Variants in MYO1H observed in about 807,000 individuals in gnomAD.
MYO1H encodes myosin IH.
A neutral mutation model predicts 149.3 loss-of-function variants in MYO1H; 118 were observed. That is an observed-to-expected ratio of 0.79 (90% confidence interval 0.68 to 0.92). The LOEUF is 0.92. Among genes scored for constraint, MYO1H ranks in the 40% least tolerant of loss-of-function variants. MYO1H has a pLI of 0.00. For synonymous variants in MYO1H, 447 were observed against 465.2 expected (o/e 0.96, Z 0.50); for missense variants, 1,212 against 1,280.7 (o/e 0.95, Z 0.82).
At chr12:109,362,779 T>C (rs1868782251) in intron 1 of MYO1H, among the ~76,000 whole-genome samples, 1 of 152,226 alleles carries the variant, frequency 6.6e-6, no homozygotes, top group Non-Finnish European at 1.5e-5. Flanking sequence ...CTTAATCACC[T>C]ACTTTTTAAG....
chr12:109,358,880 A>G (rs1043593181), intron 1 of MYO1H, among the ~76,000 whole-genome samples: 2 of 148,318 alleles, frequency 1.3e-5, no homozygotes, highest in Non-Finnish European at 3.0e-5. Flanking sequence ...AGGCTCTAAG[A>G]TAAATATTTC....
chr12:109,324,226 G>A, the MYO1H span, among the ~76,000 whole-genome samples: 3 of 152,156 alleles, frequency 2.0e-5, no homozygotes, highest in African/African-American at 4.8e-5. Context: ...CTTTCCATGC[G>A]CTGGGCTTTC....
At chr12:109,414,165 T>A (rs1870796994) in intron 14 of MYO1H, among the ~76,000 whole-genome samples, 1 of 152,072 alleles carries the variant, frequency 6.6e-6, no homozygotes, top group Non-Finnish European at 1.5e-5. Context: ...CAGATTTAAG[T>A]AAAAGTCATT....
chr12:109,393,399 G>T, exon 3 of MYO1H: 1 of 1,589,450 alleles, frequency 6.3e-7, no homozygotes, highest in South Asian at 1.1e-5. Context: ...CTGTGAGCCA[G>T]ATGGAACTTT....
At chr12:109,401,263 C>T (rs1216173116) in exon 6 of MYO1H, 12 of 1,610,872 alleles carry the variant, frequency 7.4e-6, no homozygotes, top group Non-Finnish European at 1.0e-5. Flanking sequence ...TGTATAAATA[C>T]CTCTCACAGG....
At chr12:109,406,631 C>G (rs1000308069) in intron 8 of MYO1H, among the ~76,000 whole-genome samples, 158 bp from the exon 9 acceptor site, 3 of 152,040 alleles carry the variant, frequency 2.0e-5, no homozygotes, top group Non-Finnish European at 4.4e-5. Context: ...GCCTGGATGA[C>G]AGAGTGAGAC....
intron 16 of MYO1H, among the ~76,000 whole-genome samples, chr12:109,424,492 C>G (rs1871285671): frequency 6.6e-6 from 1 of 152,202 alleles, no homozygotes; most frequent in African/African-American, 2.4e-5. Context: ...TATTCTGAAG[C>G]AGCTGCACTG....
Position 109,445,435 on chromosome 12 carries a change from G to A in MYO1H, c.2994-78G>A, listed in dbSNP as rs934876684. ...TCTTGAAACTAGTAGAATTTAATAA[G>A]TGAATTTCTTCTGTAGACCAAAGGT... On this transcript the variant is annotated intron_variant, in intron 30 of 31. Coordinates refer to ENST00000310903, the Ensembl canonical transcript of MYO1H. 4 of 1,043,814 alleles carry A rather than the reference G, an allele frequency of 3.8e-6. No individual in the cohort carries two copies. In the African/African-American group the frequency reaches 4.9e-5, roughly 13 times the overall value. The allele number at this position is 1,043,814 out of a possible 1,614,324, so 64.7% of individuals were successfully genotyped here. A position where few individuals can be genotyped will look rare whatever the true frequency, so the allele number is the denominator to read the frequency against.
intron 4 of MYO1H, 103 bp from the exon 5 acceptor site, chr12:109,397,629 C>T (rs932208915): frequency 2.8e-5 from 23 of 827,784 alleles, no homozygotes; most frequent in South Asian, 4.9e-5. Context: ...TGGCTCCTTC[C>T]GCTCTCTCTC....
chr12:109,378,274 T>G (rs1869126721), intron 1 of MYO1H, among the ~76,000 whole-genome samples: 1 of 152,184 alleles, frequency 6.6e-6, no homozygotes, highest in East Asian at 1.9e-4. Flanking sequence ...CAGAATGTTT[T>G]CCAAAGTGGC....
chr12:109,356,963 A>G (rs1249395605), intron 1 of MYO1H, among the ~76,000 whole-genome samples: 1 of 152,228 alleles, frequency 6.6e-6, no homozygotes, highest in Non-Finnish European at 1.5e-5. Context: ...CCTTGAATCA[A>G]AGCATCAGAC....
At chr12:109,365,035 C>A (rs1391991864) in intron 1 of MYO1H, among the ~76,000 whole-genome samples, 3 of 152,178 alleles carry the variant, frequency 2.0e-5, no homozygotes, top group Non-Finnish European at 4.4e-5. Context: ...ATTTGGAAGG[C>A]CGAGGCGGGA....
intron 15 of MYO1H, among the ~76,000 whole-genome samples, chr12:109,420,160 T>A (rs1044174772): frequency 7.2e-5 from 11 of 152,164 alleles, no homozygotes; most frequent in African/African-American, 2.7e-4. Flanking sequence ...GTTTCTTTGC[T>A]ATTGGACTAG....
chr12:109,387,488 C>A (rs1022297359), intron 1 of MYO1H, among the ~76,000 whole-genome samples: 1 of 152,206 alleles, frequency 6.6e-6, no homozygotes, highest in Non-Finnish European at 1.5e-5. Context: ...ACCTGCTGAG[C>A]AATAACCAAC....
chr12:109,368,540 C>T (rs1027453300), intron 1 of MYO1H, among the ~76,000 whole-genome samples: 1 of 150,654 alleles, frequency 6.6e-6, no homozygotes, highest in Non-Finnish European at 1.5e-5. Context: ...CCTTTAATCC[C>T]AGCTACTCGG....
rs370673946 is a variant in MYO1H, at chr12:109,395,170, C to T, written c.291-1214C>T. Among the ~76,000 whole-genome samples the T allele has an allele frequency of 3.9e-5, 6 of 152,306 alleles. No homozygotes were observed. The East Asian group carries it at 1.2e-3, about 29-fold the overall frequency. On this transcript the variant is annotated intron_variant, in intron 3 of 31. Coordinates refer to ENST00000310903, the Ensembl canonical transcript of MYO1H. ...GGTGTCTGATCTTGAAGATAAAGCACTTCTCATAGTTTTACCTCTTGTCCT... is the reference window on the plus strand; with the variant it reads ...GGTGTCTGATCTTGAAGATAAAGCATTTCTCATAGTTTTACCTCTTGTCCT...
chr12:109,415,016 G>A (rs949248183), intron 14 of MYO1H, among the ~76,000 whole-genome samples: 11 of 152,072 alleles, frequency 7.2e-5, no homozygotes, highest in Admixed American at 3.9e-4. Flanking sequence ...CCGGCCAAAG[G>A]ATCTAATTTT....
chr12:109,420,352 C>T (rs1871122355), intron 15 of MYO1H, among the ~76,000 whole-genome samples: 1 of 152,090 alleles, frequency 6.6e-6, no homozygotes, highest in African/African-American at 2.4e-5. Context: ...TCTCACATTG[C>T]TATAAAGAAC....
At chr12:109,318,978 T>TTTGTTG in the MYO1H span, among the ~76,000 whole-genome samples, 1 of 111,674 alleles carries the variant, frequency 9.0e-6, no homozygotes, top group South Asian at 3.1e-4. Context: ...TTTTGTTTTT[T>TTTGTTG]TTTTTTTTTT....
Sources: gnomAD v4.1 joint callset for allele counts (sites outside exome capture counted in the v4.1 genomes callset) on GRCh38, gnomAD v4.1.1 for gene constraint, MANE v1.5 for transcripts, NCBI Gene and HGNC (gene_info 2026-07-23, HGNC 2026-07-21) for gene names.